COL6A3: variants seen among roughly 807,000 people sequenced by gnomAD.
The protein encoded by COL6A3 is collagen type VI alpha 3 chain.
COL6A3 carries 137 observed loss-of-function variants against 274.1 expected under a neutral mutation model. The observed-to-expected ratio is 0.50, with a 90% CI of 0.44 to 0.58. COL6A3 has a LOEUF of 0.58. Ranked by LOEUF, COL6A3 falls within the 20% of genes least tolerant of loss-of-function variation. The pLI is 0.00. For synonymous variants in COL6A3, 1,650 were observed against 1,650.6 expected, an observed-to-expected ratio of 1.00 and a Z score of 0.01; for missense variants, 3,950 against 4,124.9, an observed-to-expected ratio of 0.96 and a Z score of 1.16.
In COL6A3 at chr2:237,364,488, G is replaced by T; in HGVS notation, c.5839-60C>A. Reference sequence around the variant, plus strand: ...CTAAAAAGGAGTGTTGCAGACTGCTGATAGAAAACTGAGAGACTCGCTGTC... The same window carrying T: ...CTAAAAAGGAGTGTTGCAGACTGCTTATAGAAAACTGAGAGACTCGCTGTC... On this transcript the variant is annotated intron_variant, in intron 12 of 43. Coordinates refer to ENST00000295550, the MANE Select transcript of COL6A3 (RefSeq NM_004369.4). This position sits in a 1 kb window ranked among gnomAD's most constrained non-coding sequence, Gnocchi z 4.6. The T allele has an allele frequency of 7.6e-7, 1 of 1,310,356 alleles. No individual in the cohort carries two copies. The highest frequency in any genetic ancestry group is 1.1e-6 in the Non-Finnish European group (1 of 905,608). The allele number at this position is 1,310,356 out of a possible 1,614,324, so 81.2% of individuals were successfully genotyped here.
At chr2:237,406,302 C>T (rs1289383169) in intron 1 of COL6A3, among the ~76,000 whole-genome samples, 6 of 152,176 alleles carry the variant, frequency 3.9e-5, no homozygotes, top group Non-Finnish European at 2.9e-5. Flanking sequence ...AAGAGACACA[C>T]ACGCATGCAC....
intron 8 of COL6A3, among the ~76,000 whole-genome samples, chr2:237,373,243 C>A (rs560282236): frequency 2.0e-5 from 3 of 152,262 alleles, no homozygotes; most frequent in Admixed American, 1.3e-4. Context: ...GACAATATTC[C>A]CAAAGTCCAT....
rs2106361675 is a variant in COL6A3, at chr2:237,374,956, A to C, written c.3135T>G (p.Pro1045=). 1 of 1,613,954 alleles carries C rather than the reference A, an allele frequency of 6.2e-7. No individual in the cohort carries two copies. Among genetic ancestry groups the C allele is most frequent in the Non-Finnish European group, 8.5e-7 (1 of 1,180,006 alleles). Residue 1045 remains proline, a synonymous_variant, in exon 8 of 44, where the codon CCT becomes CCG. Coordinates refer to ENST00000295550, the MANE Select transcript of COL6A3 (RefSeq NM_004369.4). The surrounding 1 kb of genome is among the most constrained non-coding windows in gnomAD (Gnocchi z 4.8). The part of the protein sequence containing the change: ...DGSEGVRSGF[P]LLKEFVQRVV... ...CTCTCTGGACAAACTCTTTCAACAG[A>C]GGGAAGCCGCTCCTGACGCCCTCAG...
chr2:237,360,157 A>G lies in COL6A3; in HGVS notation c.6213T>C (p.Gly2071=). 5.0e-6 allele frequency: 8 copies of G among 1,614,072 alleles called. No homozygotes were observed. Among genetic ancestry groups the G allele is most frequent in the Non-Finnish European group, 6.8e-6 (8 of 1,180,020 alleles). ...RGYPGDEGGP[G]ERGPPGVNGT... ...CGTTCACACCAGGCGGACCACGCTCACCCTGTTGTGAGAGACAAAGGCATT... is the reference window on the plus strand; with the variant it reads ...CGTTCACACCAGGCGGACCACGCTCGCCCTGTTGTGAGAGACAAAGGCATT... Residue 2071 remains glycine (G), a splice_region_variant and synonymous_variant, in exon 17 of 44, where the codon GGT becomes GGC. Transcript: ENST00000295550.
At chr2:237,404,013 AATTAAATAATG>A (rs1453134517) in intron 1 of COL6A3, among the ~76,000 whole-genome samples, 3 of 152,116 alleles carry the variant, frequency 2.0e-5, no homozygotes, top group Non-Finnish European at 4.4e-5. Context: ...GTATGACCTC[AATTAAATAATG>A]ATATACACTT....
At chr2:237,326,022 T>G (rs1006830171) in intron 42 of COL6A3, 3 of 260,138 alleles carry the variant, frequency 1.2e-5, no homozygotes, top group Non-Finnish European at 2.2e-5. Flanking sequence ...ATGAAATGAA[T>G]TGTTTTTCCC....
Position 237,337,714 on chromosome 2 carries a change from G to T in COL6A3, c.8568-1182C>A, listed in dbSNP as rs530464570. Among the ~76,000 whole-genome samples, 5 of 152,274 alleles carry T rather than the reference G, an allele frequency of 3.3e-5. No homozygotes were observed. In the East Asian group the frequency reaches 5.8e-4, roughly 18 times the overall value. On this transcript the variant is annotated intron_variant, in intron 39 of 43. Coordinates refer to ENST00000295550, the MANE Select transcript of COL6A3 (RefSeq NM_004369.4). Reference sequence around the variant, plus strand: ...GCACACATTGCTGACACGCTGCAGGGGCTCAGTTCTTGCAGCCACATCACC... The same window carrying T: ...GCACACATTGCTGACACGCTGCAGGTGCTCAGTTCTTGCAGCCACATCACC...
chr2:237,376,115 G>T (rs923661916), intron 7 of COL6A3, among the ~76,000 whole-genome samples: 3 of 152,182 alleles, frequency 2.0e-5, no homozygotes, highest in African/African-American at 7.2e-5. Flanking sequence ...GAACCCAGAT[G>T]TCGGAGTTAC....
rs886044270 is a variant in COL6A3 at position 237,394,589 on chromosome 2, G to A, written c.707C>T (p.Thr236Ile). ...TAGCTTGGTGGCGTTGCCATTACCT[G>A]TGATGTCTTTAAGGGTTTCCGTGTC... is the stretch of plus-strand genomic sequence containing the variant. ...AGDTETLKDITAQDSADIIFL... is the reference protein window; with the variant it reads ...AGDTETLKDIIAQDSADIIFL... The change falls in exon 3 of 44, where the codon ACA becomes ATA. Residue 236 changes from threonine to isoleucine, a missense_variant and splice_region_variant. Transcript: ENST00000295550. 1.9e-5 allele frequency: 30 copies of A among 1,613,904 alleles called. No homozygotes were observed. The Admixed American group carries it at 2.5e-4, about 13-fold the overall frequency.
intron 4 of COL6A3, 64 bp downstream of exon 4, chr2:237,387,518 G>A (rs367661666): frequency 1.7e-5 from 28 of 1,611,370 alleles, no homozygotes; most frequent in South Asian, 1.6e-4. Context: ...CCCACCTTAC[G>A]TCTATGTAAA....
At position 237,383,379 on chromosome 2, in the gene COL6A3, C is replaced by T. The variant is rs116773035; in HGVS notation, c.1313-1880G>A. 1.9e-3 allele frequency among the ~76,000 whole-genome samples: 289 copies of T among 152,332 alleles called. 1 individual carries two copies. Among genetic ancestry groups the T allele is most frequent in the Non-Finnish European group, 3.5e-3 (240 of 68,030 alleles). ...AATATTTCATGGTCATTGTTATGAA[C>T]ATCCATTCTGGGCTTTCCTTCCTTC... On this transcript the variant is annotated intron_variant, in intron 4 of 43. Transcript: ENST00000295550.
rs1287417987 is a variant in COL6A3 at position 237,366,951 on chromosome 2, T to C, written c.5236A>G (p.Ile1746Val). The change falls in exon 11 of 44, where the codon ATT becomes GTT. Residue 1746 changes from isoleucine to valine, a missense_variant. Around this residue, in one of 5 missense-constraint regions of COL6A3, gnomAD observed 632 missense variants for 623.4 expected, o/e 1.01. Transcript: ENST00000295550. The stretch of plus-strand genomic sequence containing the variant: ...TTTCCTCCCGTGATCACAAAGGCAA[T>C]CTGAGGGACCCGCTGGTCCAGGCGG... ...GSRLDQRVPQ[I>V]AFVITGGKSV... is the part of the protein sequence containing the mutation. The C allele has an allele frequency of 6.2e-7, 1 of 1,614,206 alleles. No individual in the cohort carries two copies. The highest frequency in any genetic ancestry group is 8.5e-7 in the Non-Finnish European group (1 of 1,180,028).
intron 42 of COL6A3, chr2:237,326,114 G>A (rs1431870819): frequency 6.1e-6 from 1 of 164,710 alleles, no homozygotes; most frequent in Non-Finnish European, 1.3e-5. Context: ...AAAACCTCAG[G>A]GTTTTATAAT....
Position 237,378,827 on chromosome 2 carries a change from G to C in COL6A3, c.2306C>G (p.Ala769Gly). The C allele has an allele frequency of 1.9e-6, 3 of 1,614,214 alleles. No homozygotes were observed. The highest frequency in any genetic ancestry group is 2.5e-6 in the Non-Finnish European group (3 of 1,180,044). Residue 769 changes from alanine (A) to glycine (G), a missense_variant, in exon 6 of 44, where the codon GCG (alanine) becomes GGG (glycine). Ala to Gly is a moderately conservative substitution (Grantham distance 60). Coordinates refer to ENST00000295550, the MANE Select transcript of COL6A3 (RefSeq NM_004369.4). ...TCCCACACAAAAAGTCAGGATGCCC[G>C]CGCGTGTCAAGGCGTTGGCAGCTTG... ...YLQAANALTR[A>G]GILTFCVGAS...
intron 1 of COL6A3, among the ~76,000 whole-genome samples, chr2:237,403,452 A>T (rs1238192861): frequency 6.6e-6 from 1 of 152,170 alleles, no homozygotes; most frequent in African/African-American, 2.4e-5. Flanking sequence ...CAGCAGCTAA[A>T]ATAGAACCAC....
chr2:237,392,597 A>G (rs1332382269), intron 3 of COL6A3, among the ~76,000 whole-genome samples: 1 of 152,122 alleles, frequency 6.6e-6, no homozygotes, highest in Non-Finnish European at 1.5e-5. Flanking sequence ...CTGTTCATAA[A>G]TCTTGCTTCC....
chr2:237,361,475 T>G lies in COL6A3; in HGVS notation c.6156+264A>C, dbSNP rs144959358. On this transcript the variant is annotated intron_variant, in intron 15 of 43. Transcript: ENST00000295550. This position sits in a 1 kb window ranked among gnomAD's most constrained non-coding sequence, Gnocchi z 5.1. ...GCCAGCTGCCTTTAACATTATTTTA[T>G]GAAATGAAGGACCAAGCTGTTAAAG... is the stretch of plus-strand genomic sequence containing the variant. Among the ~76,000 whole-genome samples, 47 of 152,332 alleles carry G rather than the reference T, an allele frequency of 3.1e-4. No homozygotes were observed. Among genetic ancestry groups the G allele is most frequent in the African/African-American group, 1.1e-3 (44 of 41,574 alleles).
At chr2:237,387,053 T>A (rs2078161193) in intron 4 of COL6A3, among the ~76,000 whole-genome samples, 1 of 152,168 alleles carries the variant, frequency 6.6e-6, no homozygotes, top group Non-Finnish European at 1.5e-5. Flanking sequence ...TTTCATCAAG[T>A]GATTACACTG....
chr2:237,405,584 T>G (rs2078700110), intron 1 of COL6A3, among the ~76,000 whole-genome samples: 1 of 152,026 alleles, frequency 6.6e-6, no homozygotes, highest in Non-Finnish European at 1.5e-5. Flanking sequence ...CACGCCCTCC[T>G]CCCAACCATC....
Sources: allele counts gnomAD v4.1 joint callset (sites outside exome capture counted in the v4.1 genomes callset), GRCh38; gene constraint gnomAD v4.1.1; regional missense constraint gnomAD v4.1.1; non-coding constraint Gnocchi (gnomAD v3.1); transcripts MANE v1.5; gene names NCBI Gene and HGNC (gene_info 2026-07-23, HGNC 2026-07-21).